The following FAM117A variants were observed in gnomAD, a reference collection of about 807,000 sequenced individuals.
FAM117A encodes protein FAM117A.
In FAM117A, 21 loss-of-function variants were observed where a neutral mutation model predicts 44.1. That is an observed-to-expected ratio of 0.48 (90% CI 0.34 to 0.69). The LOEUF (loss-of-function observed/expected upper bound fraction) is 0.69, where lower values mean the gene tolerates loss of function less well. Among genes scored for constraint, FAM117A ranks in the 30% least tolerant of loss-of-function variants. The probability of loss-of-function intolerance (pLI) is 0.01; values close to 1 mark genes in which losing one functional copy is unlikely to be tolerated. For missense variants in FAM117A, 498 were observed against 589.9 expected, an observed-to-expected ratio of 0.84 and a Z score of 1.61; for synonymous variants, 220 against 238.3, an observed-to-expected ratio of 0.92 and a Z score of 0.71.
chr17:49,786,647 G>A (rs1344018347), intron 1 of FAM117A, among the ~76,000 whole-genome samples: 1 of 152,086 alleles, frequency 6.6e-6, no homozygotes, highest in Non-Finnish European at 1.5e-5. Context: ...TGTGGTGGCG[G>A]GCGCCTGTAA....
intron 1 of FAM117A, among the ~76,000 whole-genome samples, chr17:49,736,565 C>T (rs767235698): frequency 1.3e-5 from 2 of 152,306 alleles, no homozygotes; most frequent in African/African-American, 2.4e-5. Context: ...CTTTCAAAGA[C>T]GGAGGTAAAG....
chr17:49,774,327 G>A (rs1259476438), intron 1 of FAM117A, among the ~76,000 whole-genome samples: 2 of 149,496 alleles, frequency 1.3e-5, no homozygotes, highest in African/African-American at 2.5e-5. Flanking sequence ...TGTATTTTTT[G>A]TAGAGGCATG....
At chr17:49,761,397 G>A (rs975254382) in intron 1 of FAM117A, among the ~76,000 whole-genome samples, 5 of 152,224 alleles carry the variant, frequency 3.3e-5, no homozygotes, top group African/African-American at 9.6e-5. Context: ...TCACCTTGGC[G>A]AGCAGAGGGA....
At chr17:49,731,197 G>A (rs1010995594) in intron 2 of FAM117A, among the ~76,000 whole-genome samples, 3 of 152,196 alleles carry the variant, frequency 2.0e-5, no homozygotes, top group African/African-American at 7.2e-5. Flanking sequence ...CCTACACAGA[G>A]GCAGACCACG....
At chr17:49,776,189 C>A (rs2073775149) in intron 1 of FAM117A, among the ~76,000 whole-genome samples, 1 of 152,212 alleles carries the variant, frequency 6.6e-6, no homozygotes, top group Non-Finnish European at 1.5e-5. Context: ...GCAATTTACA[C>A]ACATGGTCTC....
At chr17:49,740,664 C>G (rs748718010) in intron 1 of FAM117A, among the ~76,000 whole-genome samples, 1 of 152,212 alleles carries the variant, frequency 6.6e-6, no homozygotes, top group Non-Finnish European at 1.5e-5. Context: ...CAAATTCTCT[C>G]TAAGTGCCAG....
chr17:49,778,025 A>G (rs1431840681), intron 1 of FAM117A, among the ~76,000 whole-genome samples: 2 of 152,232 alleles, frequency 1.3e-5, no homozygotes, highest in Non-Finnish European at 2.9e-5. Context: ...GTGGGAGCAC[A>G]TGGTAATTGC....
At chr17:49,785,543 T>G (rs897341397) in intron 1 of FAM117A, among the ~76,000 whole-genome samples, 2 of 151,988 alleles carry the variant, frequency 1.3e-5, no homozygotes, top group African/African-American at 2.4e-5. Flanking sequence ...CAAAAACTTG[T>G]CCAAGAGTAA....
chr17:49,759,761 A>C (rs2073715668), intron 1 of FAM117A, among the ~76,000 whole-genome samples: 1 of 152,226 alleles, frequency 6.6e-6, no homozygotes, highest in Non-Finnish European at 1.5e-5. Flanking sequence ...TTAACAATTT[A>C]ATAATATAAG....
At chr17:49,717,385 A>G in intron 6 of FAM117A, 128 bp downstream of exon 6, 1 of 698,828 alleles carries the variant, frequency 1.4e-6, no homozygotes, top group Non-Finnish European at 2.4e-6. Context: ...CAGAAGAAAG[A>G]TGACTCATAA....
intron 1 of FAM117A, among the ~76,000 whole-genome samples, chr17:49,771,335 T>C (rs1598037460): frequency 6.6e-6 from 1 of 152,340 alleles, no homozygotes; most frequent in South Asian, 2.1e-4. Context: ...CTCTGAGAGA[T>C]TGATGATGTG....
At chr17:49,759,281 G>T (rs2073712594) in intron 1 of FAM117A, among the ~76,000 whole-genome samples, 1 of 152,228 alleles carries the variant, frequency 6.6e-6, no homozygotes, top group South Asian at 2.1e-4. Context: ...GTACCAAAGA[G>T]ATAAAGCAGT....
intron 1 of FAM117A, among the ~76,000 whole-genome samples, chr17:49,748,089 C>T (rs923155125): frequency 1.3e-5 from 2 of 152,148 alleles, no homozygotes; most frequent in African/African-American, 4.8e-5. Flanking sequence ...TGGGTGGCAA[C>T]ACCACTGGAA....
intron 1 of FAM117A, among the ~76,000 whole-genome samples, chr17:49,771,334 A>T (rs2073760395): frequency 6.6e-6 from 1 of 152,214 alleles, no homozygotes; most frequent in African/African-American, 2.4e-5. Context: ...TCTCTGAGAG[A>T]TTGATGATGT....
In FAM117A at chr17:49,711,188, G is replaced by A; in HGVS notation, c.*67C>T. 1.4e-6 allele frequency: 2 copies of A among 1,453,554 alleles called. No individual in the cohort carries two copies. Among genetic ancestry groups the A allele is most frequent in the South Asian group, 1.3e-5 (1 of 74,452 alleles). 90.0% of individuals were successfully genotyped at this position (1,453,554 alleles called of 1,614,324 possible). A position where few individuals can be genotyped will look rare whatever the true frequency, so the allele number is the denominator to read the frequency against. The stretch of plus-strand genomic sequence containing the variant: ...GGGCCCCTCCATACCCCATCTCAGG[G>A]GACCTGGGGAGGGACCTGCCACCAA... On this transcript the variant is annotated 3_prime_UTR_variant, in exon 8 of 8. Coordinates refer to ENST00000240364, the MANE Select transcript of FAM117A (RefSeq NM_030802.4).
intron 1 of FAM117A, among the ~76,000 whole-genome samples, chr17:49,763,537 C>T (rs1470322598): frequency 1.3e-5 from 2 of 151,488 alleles, no homozygotes; most frequent in Admixed American, 1.3e-4. Context: ...GGGGCGCCCC[C>T]ACCACGCGCC....
Position 49,720,342 on chromosome 17 carries a change from A to G in FAM117A, c.557T>C (p.Val186Ala). The change falls in exon 4 of 8, where the codon GTG (valine) becomes GCG (alanine). Residue 186 changes from valine (V) to alanine (A), a missense_variant. Coordinates refer to ENST00000240364, the MANE Select transcript of FAM117A (RefSeq NM_030802.4). The stretch of plus-strand genomic sequence containing the variant: ...AAAACATACCCTCAGTGCTCCCCGC[A>G]CTGCGTGGTCCCCTAGGAGTGGTGA... ...RGSPLLGDHA[V>A]RGALRASPPS... The G allele has an allele frequency of 6.2e-7, 1 of 1,613,672 alleles. No individual in the cohort carries two copies.
chr17:49,717,477 A>C lies in FAM117A; in HGVS notation c.910+36T>G. 1.9e-6 allele frequency: 3 copies of C among 1,594,906 alleles called. No homozygotes were observed. In the Middle Eastern group the frequency reaches 5.6e-4, roughly 299 times the overall value. On this transcript the variant is annotated intron_variant, in intron 6 of 7. Coordinates refer to ENST00000240364, the MANE Select transcript of FAM117A (RefSeq NM_030802.4). Reference sequence around the variant, plus strand: ...GGGAGTGGAGCCACTCATGTGCCCCAGAGTCAGCCCTGCTGCCTCAGCCTT... The same window carrying C: ...GGGAGTGGAGCCACTCATGTGCCCCCGAGTCAGCCCTGCTGCCTCAGCCTT...
chr17:49,760,658 A>G (rs2073719242), intron 1 of FAM117A, among the ~76,000 whole-genome samples: 1 of 152,188 alleles, frequency 6.6e-6, no homozygotes, highest in Non-Finnish European at 1.5e-5. Context: ...ATAATTTGCA[A>G]ACCTAGATGA....
Sources: allele counts gnomAD v4.1 joint callset (sites outside exome capture counted in the v4.1 genomes callset), GRCh38; gene constraint gnomAD v4.1.1; transcripts MANE v1.5; gene names NCBI Gene and HGNC (gene_info 2026-07-23, HGNC 2026-07-21).